The following BCL2L11 variants were observed in gnomAD, a reference collection of about 807,000 sequenced individuals.
BCL2L11 encodes BCL2 like 11.
Under a neutral mutation model 20.6 loss-of-function variants are expected in BCL2L11, and 15 were observed. The ratio of observed to expected loss-of-function variants is 0.73; its 90% CI spans 0.49 to 1.12. The LOEUF (loss-of-function observed/expected upper bound fraction) is 1.12. BCL2L11 is among the 50% of genes most tolerant of loss of function. The pLI is 0.00. For missense variants in BCL2L11, 292 were observed against 260.9 expected, an observed-to-expected ratio of 1.12 and a Z score of -0.82; for synonymous variants, 108 against 92.8, an observed-to-expected ratio of 1.16 and a Z score of -0.94.
chr2:111,123,015 TTG>T (rs2150130555), intron 1 of BCL2L11: 15 of 983,688 alleles, frequency 1.5e-5, no homozygotes, highest in Non-Finnish European at 1.8e-5. Context: ...GCGGACCTAG[TTG>T]TAGACCTTGC....
At position 111,135,620 on chromosome 2, in the gene BCL2L11, G is replaced by A. The variant is rs554564234; in HGVS notation, c.394+11481G>A. Among the ~76,000 whole-genome samples the A allele has an allele frequency of 5.3e-5, 8 of 152,250 alleles. 1 individual carries two copies. Among genetic ancestry groups the A allele is most frequent in the African/African-American group, 1.4e-4 (6 of 41,558 alleles). ...TCTCCCTCTTTGATGCTAGATGGGA[G>A]AGTTCTCTTTTGTTCTCTTTAATTA... On this transcript the variant is annotated intron_variant, in intron 2 of 3. Transcript: ENST00000393256.
chr2:111,149,698 T>C lies in BCL2L11; in HGVS notation c.395-346T>C, dbSNP rs372032010. Among the ~76,000 whole-genome samples, 23 of 152,388 alleles carry C rather than the reference T, an allele frequency of 1.5e-4. No individual in the cohort carries two copies. The East Asian group carries it at 2.5e-3, about 17-fold the overall frequency. ...AAACTAAATTGTTATGTTATAATTA[T>C]GTTTCAAGCATATTTCTTTGGCAGT... On this transcript the variant is annotated intron_variant, in intron 2 of 3. Coordinates refer to ENST00000393256, the MANE Select transcript of BCL2L11 (RefSeq NM_138621.5).
chr2:111,158,355 C>T (rs1449863900), intron 3 of BCL2L11, among the ~76,000 whole-genome samples: 2 of 152,082 alleles, frequency 1.3e-5, no homozygotes, highest in Admixed American at 6.6e-5. Context: ...CTAAAGATGC[C>T]GTGACAGCCC....
chr2:111,151,233 T>C (rs2077221504), intron 3 of BCL2L11, among the ~76,000 whole-genome samples: 1 of 152,190 alleles, frequency 6.6e-6, no homozygotes, highest in African/African-American at 2.4e-5. Context: ...GTGTAGACTT[T>C]GACTCCAGGA....
intron 1 of BCL2L11, among the ~76,000 whole-genome samples, chr2:111,122,272 C>G (rs1051400890): frequency 2.6e-5 from 4 of 152,242 alleles, no homozygotes; most frequent in Admixed American, 6.5e-5. Context: ...CCTGCGGGTC[C>G]GGGCGCGGCG....
At chr2:111,148,122 A>C (rs1406120630) in intron 2 of BCL2L11, among the ~76,000 whole-genome samples, 1 of 152,178 alleles carries the variant, frequency 6.6e-6, no homozygotes, top group African/African-American at 2.4e-5. Flanking sequence ...TGTTTTCTTC[A>C]CTTCTGACTC....
chr2:111,140,652 C>T (rs979630231), intron 2 of BCL2L11, among the ~76,000 whole-genome samples: 4 of 152,088 alleles, frequency 2.6e-5, no homozygotes, highest in African/African-American at 9.7e-5. Context: ...GTTATTTGGT[C>T]CCTTGAGAAA....
chr2:111,149,476 T>TG (rs1234470136), intron 2 of BCL2L11, among the ~76,000 whole-genome samples: 2 of 152,226 alleles, frequency 1.3e-5, no homozygotes, highest in Admixed American at 1.3e-4. Context: ...CATTTGGCCC[T>TG]GGGGTAGCCA....
chr2:111,137,162 A>T (rs1292786566), intron 2 of BCL2L11, among the ~76,000 whole-genome samples: 4 of 152,214 alleles, frequency 2.6e-5, no homozygotes, highest in African/African-American at 9.7e-5. Flanking sequence ...GTTTAGAGAT[A>T]CACACCTAAT....
At chr2:111,153,965 T>C in intron 3 of BCL2L11, 1 of 1,435,774 alleles carries the variant, frequency 7.0e-7, no homozygotes, top group Non-Finnish European at 9.2e-7. Flanking sequence ...CATTCCCAGG[T>C]GAACCTGCCG....
At chr2:111,164,084 C>T in intron 3 of BCL2L11, 49 bp from the exon 4 acceptor site, 1 of 898,124 alleles carries the variant, frequency 1.1e-6, no homozygotes, top group African/African-American at 1.6e-5. Flanking sequence ...CACCCCTCCC[C>T]ACCCCCAAAT....
At chr2:111,130,279 A>C (rs1252141722) in intron 2 of BCL2L11, 1 of 265,620 alleles carries the variant, frequency 3.8e-6, no homozygotes, top group Non-Finnish European at 7.6e-6. Flanking sequence ...TAATTTTTGT[A>C]TTTTTATTAG....
At chr2:111,125,544 A>G (rs1422420801) in intron 2 of BCL2L11, among the ~76,000 whole-genome samples, 3 of 152,260 alleles carry the variant, frequency 2.0e-5, no homozygotes. Flanking sequence ...ACCCATCAGA[A>G]CAGACACTGG....
chr2:111,158,637 A>C (rs1196603141), intron 3 of BCL2L11, among the ~76,000 whole-genome samples: 2 of 152,146 alleles, frequency 1.3e-5, no homozygotes, highest in East Asian at 3.8e-4. Context: ...GTAAGAAACA[A>C]GTTTTTGAGT....
intron 2 of BCL2L11, among the ~76,000 whole-genome samples, chr2:111,145,323 A>G (rs754594980): frequency 6.6e-6 from 1 of 152,140 alleles, no homozygotes; most frequent in Non-Finnish European, 1.5e-5. Context: ...ATGTCACTTT[A>G]TGGCATCGTC....
intron 2 of BCL2L11, among the ~76,000 whole-genome samples, chr2:111,127,118 A>T (rs2072795889): frequency 6.6e-6 from 1 of 152,086 alleles, no homozygotes; most frequent in Non-Finnish European, 1.5e-5. Context: ...GTCTCCTTAC[A>T]CTCTGGGAGG....
At chr2:111,155,988 C>A (rs565058202) in intron 3 of BCL2L11, among the ~76,000 whole-genome samples, 3 of 152,306 alleles carry the variant, frequency 2.0e-5, no homozygotes, top group African/African-American at 4.8e-5. Context: ...TTTTCCTGTG[C>A]TCTGTATGAA....
At chr2:111,144,575 A>T in intron 2 of BCL2L11, 1 of 1,512,030 alleles carries the variant, frequency 6.6e-7, no homozygotes, top group South Asian at 1.2e-5. Context: ...CTCCTCTTGT[A>T]AGCTTTGGAT....
intron 2 of BCL2L11, among the ~76,000 whole-genome samples, chr2:111,133,605 A>T (rs770312755): frequency 6.6e-6 from 1 of 152,118 alleles, no homozygotes; most frequent in Non-Finnish European, 1.5e-5. Context: ...TCGGTTTACA[A>T]ATGTGTCGAG....
Sources: gnomAD v4.1 joint callset for allele counts (sites outside exome capture counted in the v4.1 genomes callset) on GRCh38, gnomAD v4.1.1 for gene constraint, MANE v1.5 for transcripts, NCBI Gene and HGNC (gene_info 2026-07-23, HGNC 2026-07-21) for gene names.